The following CRHR1 variants were observed in gnomAD, a reference collection of about 807,000 sequenced individuals.
CRHR1 encodes the protein corticotropin-releasing hormone receptor 1.
A neutral mutation model predicts 56.0 loss-of-function variants in CRHR1; 28 were observed. The ratio of observed to expected loss-of-function variants is 0.50; its 90% CI spans 0.37 to 0.69. CRHR1 has a LOEUF of 0.69. CRHR1 is among the 30% of genes least tolerant of loss of function. The pLI, the probability that CRHR1 is intolerant of heterozygous loss-of-function variation, is 0.00. For synonymous variants in CRHR1, 195 were observed against 216.5 expected, an observed-to-expected ratio of 0.90 and a Z score of 0.87; for missense variants, 376 against 548.0, an observed-to-expected ratio of 0.69 and a Z score of 3.13.
chr17:45,812,509 AGGTCAGGCTTTTGT>A (rs2061842636), intron 2 of CRHR1, among the ~76,000 whole-genome samples: 1 of 152,160 alleles, frequency 6.6e-6, no homozygotes, highest in African/African-American at 2.4e-5. Context: ...AGAGCAGAAG[AGGTCAGGCTTTTGT>A]GGCACTGGAA....
Position 45,816,520 on chromosome 17 carries a change from C to T in CRHR1, c.179C>T (p.Ala60Val), listed in dbSNP as rs16940655. ...GGCACCTGCTGGCCCCGCAGCCCTG[C>T]GGGGCAGCTAGTGGTTCGGCCCTGC... ...LIGTCWPRSP[A>V]GQLVVRPCPA... The change falls in exon 3 of 13, where the codon GCG becomes GTG. Residue 60 changes from alanine to valine, a missense_variant. Transcript: ENST00000314537. 8.0e-3 allele frequency: 12,834 copies of T among 1,614,102 alleles called. 80 individuals are homozygous for T. The highest frequency in any genetic ancestry group is 9.9e-3 in the Non-Finnish European group (11,649 of 1,180,002).
chr17:45,786,423 A>G (rs2061337388), intron 1 of CRHR1, among the ~76,000 whole-genome samples: 1 of 152,128 alleles, frequency 6.6e-6, no homozygotes. Flanking sequence ...TTTATGTAGC[A>G]TGTACAATTC....
intron 3 of CRHR1, among the ~76,000 whole-genome samples, chr17:45,817,204 C>T (rs994266609): frequency 2.6e-5 from 4 of 152,224 alleles, no homozygotes; most frequent in Admixed American, 2.0e-4. Context: ...CCCCCAGAGC[C>T]GGGCTTTGCA....
At chr17:45,834,581 T>C in intron 12 of CRHR1, 43 bp from the exon 13 acceptor site, 2 of 1,572,832 alleles carry the variant, frequency 1.3e-6, no homozygotes, top group Non-Finnish European at 1.7e-6. Flanking sequence ...GAGGGGGTCC[T>C]GAGCCACAGG....
chr17:45,814,958 A>G (rs1249394981), intron 2 of CRHR1, among the ~76,000 whole-genome samples: 1 of 152,268 alleles, frequency 6.6e-6, no homozygotes, highest in African/African-American at 2.4e-5. Flanking sequence ...CTTTGATTAG[A>G]AAGAAAAACC....
At chr17:45,833,693 T>TGGGGGGGGGGGG in intron 10 of CRHR1, 21 bp from the exon 11 acceptor site, 193 of 1,571,290 alleles carry the variant, frequency 1.2e-4, no homozygotes, top group Non-Finnish European at 1.5e-4. Context: ...ACTCCGAGCC[T>TGGGGGGGGGGGG]CCCCACCCGC....
At chr17:45,786,101 G>GA (rs756788804) in intron 1 of CRHR1, among the ~76,000 whole-genome samples, 7 of 148,952 alleles carry the variant, frequency 4.7e-5, no homozygotes, top group Non-Finnish European at 8.9e-5. Flanking sequence ...TGGATTCAAA[G>GA]AACTGAACTG....
chr17:45,814,655 G>A (rs11867635), intron 2 of CRHR1, among the ~76,000 whole-genome samples: 14,482 of 148,966 alleles, frequency 0.097, 814 homozygotes, highest in Middle Eastern at 0.14. Context: ...CCCTGTCCCC[G>A]GGCTCAACAC....
At chr17:45,814,634 T>TC (rs1346804699) in intron 2 of CRHR1, among the ~76,000 whole-genome samples, 1 of 151,460 alleles carries the variant, frequency 6.6e-6, no homozygotes, top group Non-Finnish European at 1.5e-5. Flanking sequence ...CCCCCAGCTC[T>TC]CCCCCCAAGT....
chr17:45,790,868 G>A (rs2061413679), intron 1 of CRHR1, among the ~76,000 whole-genome samples: 1 of 152,266 alleles, frequency 6.6e-6, no homozygotes, highest in African/African-American at 2.4e-5. Flanking sequence ...AGGAAGCACA[G>A]TGAGAATCTT....
chr17:45,785,162 G>T (rs555745552), intron 1 of CRHR1, among the ~76,000 whole-genome samples: 1 of 152,226 alleles, frequency 6.6e-6, no homozygotes, highest in Non-Finnish European at 1.5e-5. Context: ...CCTGTTCCCC[G>T]ACCGCGGCTG....
chr17:45,796,529 C>G (rs1393844540), intron 1 of CRHR1, among the ~76,000 whole-genome samples: 1 of 151,864 alleles, frequency 6.6e-6, no homozygotes, highest in African/African-American at 2.4e-5. Flanking sequence ...GCAGGCAGGG[C>G]AGGCAGGGAA....
intron 6 of CRHR1, 38 bp from the exon 7 acceptor site, chr17:45,830,379 C>G (rs1876831): frequency 9.4e-6 from 15 of 1,587,860 alleles, no homozygotes; most frequent in Middle Eastern, 3.4e-4. Context: ...GCCTCCCCTG[C>G]CCCCCATCAT....
At chr17:45,832,903 C>T (rs980415761) in intron 8 of CRHR1, among the ~76,000 whole-genome samples, 4 of 152,230 alleles carry the variant, frequency 2.6e-5, no homozygotes, top group East Asian at 3.8e-4. Context: ...CCTCCTGCCC[C>T]GGTGCTTGCT....
chr17:45,818,314 C>G (rs1341415953), intron 3 of CRHR1, among the ~76,000 whole-genome samples: 3 of 152,228 alleles, frequency 2.0e-5, no homozygotes, highest in African/African-American at 4.8e-5. Context: ...CTGGCCACCC[C>G]CCATGAGTTC....
intron 9 of CRHR1, 72 bp downstream of exon 9, chr17:45,833,282 A>T (rs966418923): frequency 3.9e-6 from 6 of 1,557,762 alleles, no homozygotes; most frequent in Non-Finnish European, 5.3e-6. Flanking sequence ...GTGGACAGAA[A>T]GGACTCCTCT....
chr17:45,813,550 C>T (rs899457259), intron 2 of CRHR1, among the ~76,000 whole-genome samples: 1 of 152,244 alleles, frequency 6.6e-6, no homozygotes, highest in African/African-American at 2.4e-5. Flanking sequence ...TTAGGAGCTG[C>T]GGGGGCCAGG....
chr17:45,830,864 C>T lies in CRHR1; in HGVS notation c.710-16C>T, dbSNP rs748112408. 3 of 1,613,220 alleles carry T rather than the reference C, an allele frequency of 1.9e-6. No homozygotes were observed. Among genetic ancestry groups the T allele is most frequent in the Non-Finnish European group, 2.5e-6 (3 of 1,179,496 alleles). ...GCCCCCGCTGAGGGCTCTGTGACAG[C>T]CCATCTCTCCCCCAGGTGTGCCCTT... On this transcript the variant is annotated splice_polypyrimidine_tract_variant and intron_variant, in intron 7 of 12. Transcript: ENST00000314537.
At chr17:45,811,364 T>C (rs892609777) in intron 2 of CRHR1, among the ~76,000 whole-genome samples, 1 of 152,254 alleles carries the variant, frequency 6.6e-6, no homozygotes, top group African/African-American at 2.4e-5. Context: ...TCCTCTGCTC[T>C]CCCTTTGCAG....
Sources: gnomAD v4.1 joint callset for allele counts (sites outside exome capture counted in the v4.1 genomes callset) on GRCh38, gnomAD v4.1.1 for gene constraint, MANE v1.5 for transcripts, NCBI Gene and HGNC (gene_info 2026-07-23, HGNC 2026-07-21) for gene names.